ATP6V1A: variants seen among roughly 807,000 people sequenced by gnomAD.
ATP6V1A encodes the protein V-type proton ATPase catalytic subunit A.
Under a neutral mutation model 70.1 loss-of-function variants are expected in ATP6V1A, and 18 were observed. The observed-to-expected ratio is 0.26, with a 90% CI of 0.18 to 0.38. The LOEUF (loss-of-function observed/expected upper bound fraction) is 0.38, where lower values mean the gene tolerates loss of function less well. Among genes scored for constraint, ATP6V1A ranks in the 10% least tolerant of loss-of-function variants. ATP6V1A has a pLI of 1.00. For missense variants in ATP6V1A, 424 were observed against 772.4 expected, an observed-to-expected ratio of 0.55 and a Z score of 5.35; for synonymous variants, 232 against 253.8, an observed-to-expected ratio of 0.91 and a Z score of 0.82.
intron 8 of ATP6V1A, 51 bp downstream of exon 8, chr3:113,789,891 A>T: frequency 7.1e-7 from 1 of 1,400,316 alleles, no homozygotes; most frequent in Non-Finnish European, 1.0e-6. Flanking sequence ...TTAAGTGTAA[A>T]GCTAGCACCA....
At chr3:113,780,011 C>T (rs904970374) in intron 2 of ATP6V1A, among the ~76,000 whole-genome samples, 7 of 152,090 alleles carry the variant, frequency 4.6e-5, no homozygotes. Context: ...TCCTAATGCT[C>T]TCCCTCCCCT....
In ATP6V1A at chr3:113,784,565, A is replaced by G. The variant is rs145539308; in HGVS notation, c.426+127A>G. On this transcript the variant is annotated intron_variant, in intron 4 of 14. Coordinates refer to ENST00000273398, the MANE Select transcript of ATP6V1A (RefSeq NM_001690.4). ...AGAAGGATAGTTTAAAGTTTTTCTT[A>G]ACTCTACTTCATGGGATTTTAGAAC... 8.4e-4 allele frequency: 1,179 copies of G among 1,403,222 alleles called. 7 individuals are homozygous for G. In the African/African-American group the frequency reaches 0.015, roughly 18 times the overall value. The allele number at this position is 1,403,222 out of a possible 1,614,324, so 86.9% of individuals were successfully genotyped here. A position where few individuals can be genotyped will look rare whatever the true frequency, so the allele number is the denominator to read the frequency against.
chr3:113,784,845 T>A lies in ATP6V1A; in HGVS notation c.564+12T>A. ...ATTATGATACCTCTGTAAGTATCAT[T>A]TGAACTTTATCCTGCAGAGTGCCTC... is the stretch of plus-strand genomic sequence containing the variant. On this transcript the variant is annotated intron_variant, in intron 5 of 14. Coordinates refer to ENST00000273398, the MANE Select transcript of ATP6V1A (RefSeq NM_001690.4). 1 of 1,613,208 alleles carries A rather than the reference T, an allele frequency of 6.2e-7. No homozygotes were observed.
In ATP6V1A at chr3:113,784,396, C is replaced by T. The variant is rs773207970; in HGVS notation, c.384C>T (p.Ser128=). Residue 128 remains serine, a synonymous_variant, in exon 4 of 15, where the codon AGC becomes AGT. Coordinates refer to ENST00000273398, the MANE Select transcript of ATP6V1A (RefSeq NM_001690.4). ...GAGGAGTAAACGTGTCTGCTCTTAG[C>T]AGAGATATCAAATGGGACTTTACAC... ...IPRGVNVSAL[S]RDIKWDFTPC... The T allele has an allele frequency of 6.2e-7, 1 of 1,613,984 alleles. No homozygotes were observed.
rs1709332808 is a variant in ATP6V1A, at chr3:113,810,729, T to G, written c.*1302T>G. On this transcript the variant is annotated 3_prime_UTR_variant, in exon 15 of 15. Coordinates refer to ENST00000273398, the MANE Select transcript of ATP6V1A (RefSeq NM_001690.4). ...TAAGGACCAGCTGGGCTGTAGTGAT[T>G]CCTGGGGCCAGAGTGGCATTATGTT... is the stretch of plus-strand genomic sequence containing the variant. The G allele has an allele frequency of 6.6e-6, 1 of 152,232 alleles. No homozygotes were observed. The highest frequency in any genetic ancestry group is 2.4e-5 in the African/African-American group (1 of 41,462). 9.4% of individuals were successfully genotyped at this position (152,232 alleles called of 1,614,324 possible).
chr3:113,772,502 C>T (rs577831692), intron 1 of ATP6V1A, among the ~76,000 whole-genome samples: 2 of 152,198 alleles, frequency 1.3e-5, no homozygotes, highest in African/African-American at 2.4e-5. Flanking sequence ...CCAAGGCAGG[C>T]GGATCATGAG....
intron 12 of ATP6V1A, among the ~76,000 whole-genome samples, chr3:113,799,991 G>A (rs568648992): frequency 6.6e-6 from 1 of 152,218 alleles, no homozygotes; most frequent in African/African-American, 2.4e-5. Flanking sequence ...CAGCACTTTG[G>A]GAGGCAGAGG....
At chr3:113,809,236 C>G in intron 14 of ATP6V1A, 99 bp from the exon 15 acceptor site, 1 of 946,838 alleles carries the variant, frequency 1.1e-6, no homozygotes, top group Non-Finnish European at 1.6e-6. Flanking sequence ...GCCTGGGTGA[C>G]AGAGCAAGAC....
intron 1 of ATP6V1A, among the ~76,000 whole-genome samples, chr3:113,777,477 T>C (rs771271066): frequency 2.0e-5 from 3 of 152,164 alleles, no homozygotes; most frequent in Admixed American, 6.5e-5. Context: ...GAAGGAGTGC[T>C]GAACATGGTG....
chr3:113,811,185 G>A lies in ATP6V1A; in HGVS notation c.*1758G>A, dbSNP rs1483775496. ...ATCTTCAAATACCCAAATTGTGATA[G>A]CATAAATAAAGTATTTATTTTATGC... On this transcript the variant is annotated 3_prime_UTR_variant, in exon 15 of 15. Transcript: ENST00000273398. 2 of 152,078 alleles carry A rather than the reference G, an allele frequency of 1.3e-5. No homozygotes were observed. Among genetic ancestry groups the A allele is most frequent in the African/African-American group, 4.8e-5 (2 of 41,416 alleles). The allele number at this position is 152,078 out of a possible 1,614,324, so 9.4% of individuals were successfully genotyped here.
intron 3 of ATP6V1A, 112 bp downstream of exon 3, chr3:113,781,290 G>T (rs557054992): frequency 3.3e-6 from 4 of 1,229,878 alleles, no homozygotes; most frequent in Non-Finnish European, 4.4e-6. Flanking sequence ...AGGCAGGCAG[G>T]TGGATCACCT....
intron 1 of ATP6V1A, among the ~76,000 whole-genome samples, chr3:113,773,052 C>G (rs1285451655): frequency 6.9e-6 from 1 of 145,952 alleles, no homozygotes; most frequent in Non-Finnish European, 1.5e-5. Flanking sequence ...CTTCTCCTGC[C>G]TCAGCCTCCT....
At chr3:113,764,502 A>G (rs1462825585) in intron 1 of ATP6V1A, among the ~76,000 whole-genome samples, 1 of 152,226 alleles carries the variant, frequency 6.6e-6, no homozygotes, top group East Asian at 1.9e-4. Context: ...GAGATCTTTC[A>G]TTAGGTATTT....
At chr3:113,798,477 C>T (rs1709177011) in intron 12 of ATP6V1A, 31 bp downstream of exon 12, 1 of 1,608,830 alleles carries the variant, frequency 6.2e-7, no homozygotes, top group Non-Finnish European at 8.5e-7. Context: ...GAAGATAGAT[C>T]TGTGGGTTAC....
At chr3:113,804,019 A>T (rs1257640638) in intron 13 of ATP6V1A, among the ~76,000 whole-genome samples, 1 of 152,096 alleles carries the variant, frequency 6.6e-6, no homozygotes, top group East Asian at 1.9e-4. Context: ...TTGTTTTGAG[A>T]CAGGGTCTCA....
At chr3:113,802,256 G>C in intron 12 of ATP6V1A, among the ~76,000 whole-genome samples, 1 of 141,234 alleles carries the variant, frequency 7.1e-6, no homozygotes, top group Non-Finnish European at 1.6e-5. Flanking sequence ...AAACAAGACT[G>C]AGAATTCAAA....
At chr3:113,764,189 C>T (rs753734200) in intron 1 of ATP6V1A, among the ~76,000 whole-genome samples, 7 of 151,772 alleles carry the variant, frequency 4.6e-5, no homozygotes, top group South Asian at 4.2e-4. Context: ...GCCTTGATCG[C>T]ACCACTGTAC....
intron 1 of ATP6V1A, among the ~76,000 whole-genome samples, chr3:113,764,299 G>A (rs1055555278): frequency 6.6e-6 from 1 of 152,080 alleles, no homozygotes; most frequent in Non-Finnish European, 1.5e-5. Flanking sequence ...AAGCAGTCTT[G>A]GTACGCAGTA....
At chr3:113,776,767 C>CTTTACCCTTACATCCTTA (rs1343859067) in intron 1 of ATP6V1A, among the ~76,000 whole-genome samples, 21 of 152,204 alleles carry the variant, frequency 1.4e-4, no homozygotes, top group African/African-American at 4.6e-4. Flanking sequence ...ACAAATCAGT[C>CTTTACCCTTACATCCTTA]TTTACCCTTA....
Sources: allele counts gnomAD v4.1 joint callset (sites outside exome capture counted in the v4.1 genomes callset), GRCh38; gene constraint gnomAD v4.1.1; transcripts MANE v1.5; gene names NCBI Gene and HGNC (gene_info 2026-07-23, HGNC 2026-07-21).